The following CPA3 variants were observed in gnomAD, a reference collection of about 807,000 sequenced individuals.
CPA3 encodes carboxypeptidase A3.
Under a neutral mutation model 55.8 loss-of-function variants are expected in CPA3, and 52 were observed. That is an observed-to-expected ratio of 0.93 (90% CI 0.75 to 1.17). The LOEUF (loss-of-function observed/expected upper bound fraction) is 1.17. CPA3 is among the 50% of genes most tolerant of loss of function. The pLI, the probability that CPA3 is intolerant of heterozygous loss-of-function variation, is 0.00. For missense variants in CPA3, 547 were observed against 509.1 expected (o/e 1.07, Z -0.72); for synonymous variants, 179 against 171.2 (o/e 1.05, Z -0.36).
chr3:148,869,526 C>A (rs978636124), intron 3 of CPA3, among the ~76,000 whole-genome samples: 1 of 151,000 alleles, frequency 6.6e-6, no homozygotes, highest in Non-Finnish European at 1.5e-5. Flanking sequence ...GTCAGAAGTA[C>A]AGCAATTAAA....
In CPA3 at chr3:148,875,730, A is replaced by T. The variant is rs1342313056; in HGVS notation, c.270-2711A>T. Among the ~76,000 whole-genome samples, 12 of 152,298 alleles carry T rather than the reference A, an allele frequency of 7.9e-5. No individual in the cohort carries two copies. The East Asian group carries it at 1.5e-3, about 20-fold the overall frequency. Reference sequence around the variant, plus strand: ...AAGATTTTTTGTGAGGGTATTTGTAAATCTCCTACAGCTGTAAAATAATAT... The same window carrying T: ...AAGATTTTTTGTGAGGGTATTTGTATATCTCCTACAGCTGTAAAATAATAT... On this transcript the variant is annotated intron_variant, in intron 3 of 10. Transcript: ENST00000296046.
chr3:148,875,924 G>A (rs999176295), intron 3 of CPA3, among the ~76,000 whole-genome samples: 10 of 152,018 alleles, frequency 6.6e-5, no homozygotes, highest in African/African-American at 1.7e-4. Flanking sequence ...AAAGAATGCC[G>A]TCTATGGCTA....
intron 3 of CPA3, among the ~76,000 whole-genome samples, chr3:148,876,887 C>A (rs926034335): frequency 2.0e-5 from 3 of 152,112 alleles, no homozygotes; most frequent in African/African-American, 7.2e-5. Context: ...AAAAATAAAT[C>A]TTGAAATGAG....
At chr3:148,888,938 G>C (rs1949350) in intron 10 of CPA3, among the ~76,000 whole-genome samples, 96,236 of 152,078 alleles carry the variant, frequency 0.63, 30,590 homozygotes, top group Middle Eastern at 0.69. Flanking sequence ...CACATTCTAA[G>C]TGGAAGGAGC....
Position 148,896,743 on chromosome 3 carries a change from C to A in CPA3, c.*36C>A. 1 of 1,411,216 alleles carries A rather than the reference C, an allele frequency of 7.1e-7. No individual in the cohort carries two copies. The highest frequency in any genetic ancestry group is 9.5e-7 in the Non-Finnish European group (1 of 1,055,518). 87.4% of individuals were successfully genotyped at this position (1,411,216 alleles called of 1,614,324 possible). ...TCTGTTTGGAATAAGCCAATTAATC[C>A]TTTTTTGTGCCTTTCATCAGAAAGT... On this transcript the variant is annotated 3_prime_UTR_variant, in exon 11 of 11. Coordinates refer to ENST00000296046, the MANE Select transcript of CPA3 (RefSeq NM_001870.4).
At chr3:148,890,944 A>C (rs1283528412) in intron 10 of CPA3, among the ~76,000 whole-genome samples, 1 of 152,244 alleles carries the variant, frequency 6.6e-6, no homozygotes, top group Non-Finnish European at 1.5e-5. Flanking sequence ...GTCAACAAAA[A>C]CAAAATTATC....
At chr3:148,894,784 G>A (rs1043563735) in intron 10 of CPA3, among the ~76,000 whole-genome samples, 1 of 152,042 alleles carries the variant, frequency 6.6e-6, no homozygotes, top group Non-Finnish European at 1.5e-5. Flanking sequence ...GATCCTAAAT[G>A]TGTGCACACC....
intron 6 of CPA3, 121 bp downstream of exon 6, chr3:148,880,010 T>C (rs1395695338): frequency 3.1e-6 from 2 of 636,544 alleles, no homozygotes; most frequent in African/African-American, 1.9e-5. Context: ...TACTTGGTGC[T>C]GTCAGGGAAG....
intron 10 of CPA3, among the ~76,000 whole-genome samples, chr3:148,891,807 C>G (rs2108040108): frequency 6.6e-6 from 1 of 152,274 alleles, no homozygotes. Context: ...AAATAGAGAG[C>G]TACTGCAACT....
chr3:148,869,171 G>A (rs928759937), intron 3 of CPA3, 132 bp downstream of exon 3: 5 of 1,027,188 alleles, frequency 4.9e-6, no homozygotes, highest in African/African-American at 3.2e-5. Context: ...GTAAGATACA[G>A]ATCACAGTTA....
intron 3 of CPA3, among the ~76,000 whole-genome samples, chr3:148,876,012 G>A (rs1439128243): frequency 6.6e-6 from 1 of 151,934 alleles, no homozygotes; most frequent in African/African-American, 2.4e-5. Context: ...AAGAAAATTA[G>A]AAAGTATAGA....
rs547676077 is a variant in CPA3, at chr3:148,881,284, G to A, written c.577-238G>A. 5.9e-5 allele frequency among the ~76,000 whole-genome samples: 9 copies of A among 152,162 alleles called. No homozygotes were observed. The South Asian group carries it at 8.3e-4, about 14-fold the overall frequency. On this transcript the variant is annotated intron_variant, in intron 6 of 10. Coordinates refer to ENST00000296046, the MANE Select transcript of CPA3 (RefSeq NM_001870.4). ...CTACATTTGGAATGCTATAAGTCTC[G>A]ATAATTAAATGCTCCTTTAAAGACT...
chr3:148,896,561 G>T lies in CPA3; in HGVS notation c.1108G>T (p.Gly370Cys). ...TTCTTTAGACTGGGCTTATGACCTG[G>T]GCATCAAACACACATTTGCCTTTGA... is the stretch of plus-strand genomic sequence containing the variant. ...GSSLDWAYDL[G>C]IKHTFAFELR... is the part of the protein sequence containing the mutation. Residue 370 changes from glycine to cysteine, a missense_variant, in exon 11 of 11, where the codon GGC becomes TGC. Coordinates refer to ENST00000296046, the MANE Select transcript of CPA3 (RefSeq NM_001870.4). The T allele has an allele frequency of 6.4e-7, 1 of 1,559,790 alleles. No individual in the cohort carries two copies.
rs2108042436 is a variant in CPA3 at position 148,896,720 on chromosome 3, T to C, written c.*13T>C. ...GCATACTTCCTAAAGAACTGCCCTC[T>C]GTTTGGAATAAGCCAATTAATCCTT... On this transcript the variant is annotated 3_prime_UTR_variant, in exon 11 of 11. Transcript: ENST00000296046. 1 of 1,479,814 alleles carries C rather than the reference T, an allele frequency of 6.8e-7. No individual in the cohort carries two copies. Among genetic ancestry groups the C allele is most frequent in the East Asian group, 2.3e-5 (1 of 42,908 alleles). 91.7% of individuals were successfully genotyped at this position (1,479,814 alleles called of 1,614,324 possible). A position where few individuals can be genotyped will look rare whatever the true frequency, so the allele number is the denominator to read the frequency against.
intron 5 of CPA3, 128 bp from the exon 6 acceptor site, chr3:148,879,660 A>C (rs887040008): frequency 5.2e-5 from 34 of 650,876 alleles, no homozygotes; most frequent in Non-Finnish European, 7.9e-5. Flanking sequence ...CAATATGTGC[A>C]TACATGGTTC....
At chr3:148,882,136 C>T (rs999838281) in intron 7 of CPA3, among the ~76,000 whole-genome samples, 1 of 152,138 alleles carries the variant, frequency 6.6e-6, no homozygotes, top group African/African-American at 2.4e-5. Flanking sequence ...AATGCTCCAA[C>T]AGTAAAAATT....
intron 9 of CPA3, 23 bp downstream of exon 9, chr3:148,883,838 T>C: frequency 6.5e-7 from 1 of 1,548,086 alleles, no homozygotes; most frequent in South Asian, 1.1e-5. Context: ...AAGTTTGCAC[T>C]TCATGCATCG....
chr3:148,896,479 C>T, intron 10 of CPA3, 41 bp from the exon 11 acceptor site: 1 of 1,437,200 alleles, frequency 7.0e-7, no homozygotes, highest in Non-Finnish European at 9.4e-7. Flanking sequence ...AAAACATTAG[C>T]ATTTGTCTCT....
chr3:148,884,021 A>G (rs1216362365), intron 9 of CPA3, among the ~76,000 whole-genome samples: 1 of 152,134 alleles, frequency 6.6e-6, no homozygotes, highest in Non-Finnish European at 1.5e-5. Context: ...CTTTAATGTG[A>G]TTCTCAGGAG....
Sources: gnomAD v4.1 joint callset for allele counts (sites outside exome capture counted in the v4.1 genomes callset) on GRCh38, gnomAD v4.1.1 for gene constraint, MANE v1.5 for transcripts, NCBI Gene and HGNC (gene_info 2026-07-23, HGNC 2026-07-21) for gene names.